The following NOP14 variants were observed in gnomAD, a reference collection of about 807,000 sequenced individuals.
NOP14 encodes the protein NOP14 nucleolar protein.
Under a neutral mutation model 101.6 loss-of-function variants are expected in NOP14, and 57 were observed. That is an observed-to-expected ratio of 0.56 (90% CI 0.45 to 0.70). The LOEUF (loss-of-function observed/expected upper bound fraction) is 0.70. NOP14 is among the 30% of genes least tolerant of loss of function. The probability of loss-of-function intolerance (pLI) is 0.00; values close to 1 mark genes in which losing one functional copy is unlikely to be tolerated. For synonymous variants in NOP14, 428 were observed against 424.0 expected (o/e 1.01, Z -0.12); for missense variants, 1,134 against 1,075.5 (o/e 1.05, Z -0.76).
intron 1 of NOP14, among the ~76,000 whole-genome samples, chr4:2,960,904 T>C (rs1715764417): frequency 1.4e-5 from 1 of 73,224 alleles, no homozygotes; most frequent in Non-Finnish European, 2.8e-5. Flanking sequence ...ATATCAATAT[T>C]ATATTAATAT....
chr4:2,942,082 G>A, intron 14 of NOP14, 110 bp downstream of exon 14: 12 of 1,136,524 alleles, frequency 1.1e-5, no homozygotes, highest in South Asian at 1.6e-5. Flanking sequence ...CAAACCAAAC[G>A]GCCGGGCGGC....
chr4:2,962,320 G>A (rs966443727), intron 1 of NOP14, among the ~76,000 whole-genome samples: 2 of 152,178 alleles, frequency 1.3e-5, no homozygotes, highest in African/African-American at 4.8e-5. Context: ...TCCTATCGAA[G>A]TCAGCTGTAA....
chr4:2,938,700 G>A lies in NOP14; in HGVS notation c.*131C>T. On this transcript the variant is annotated 3_prime_UTR_variant, in exon 18 of 18. Transcript: ENST00000416614. ...TTTATGTTTTTTTGGTAGAGACGGG[G>A]TCTTCCTGTGTTGCCCAGGCTGGTC... 1 of 680,590 alleles carries A rather than the reference G, an allele frequency of 1.5e-6. No individual in the cohort carries two copies. Among genetic ancestry groups the A allele is most frequent in the Non-Finnish European group, 2.5e-6 (1 of 399,750 alleles). 42.2% of individuals were successfully genotyped at this position (680,590 alleles called of 1,614,324 possible).
At chr4:2,961,599 C>T (rs945039888) in intron 1 of NOP14, 4 of 152,290 alleles carry the variant, frequency 2.6e-5, no homozygotes, top group African/African-American at 9.6e-5. Context: ...TGCTGTCCCT[C>T]AGACAGCTGT....
intron 6 of NOP14, among the ~76,000 whole-genome samples, chr4:2,951,989 C>G (rs1259276091): frequency 6.6e-6 from 1 of 151,918 alleles, no homozygotes; most frequent in Non-Finnish European, 1.5e-5. Context: ...CGCCTGTAAT[C>G]CTAGCTACTC....
At position 2,939,180 on chromosome 4, in the gene NOP14, C is replaced by T. The variant is rs755270534; in HGVS notation, c.2474+8G>A. ...CACAATCGTGTCGCACACACACGTC[C>T]CCCTCACCGTTCCATGATTTCTGAG... On this transcript the variant is annotated splice_region_variant and intron_variant, in intron 17 of 17. Coordinates refer to ENST00000416614, the MANE Select transcript of NOP14 (RefSeq NM_001291978.2). The T allele has an allele frequency of 6.2e-7, 1 of 1,613,848 alleles. No homozygotes were observed. The highest frequency in any genetic ancestry group is 1.1e-5 in the South Asian group (1 of 91,078).
intron 4 of NOP14, among the ~76,000 whole-genome samples, 174 bp downstream of exon 4, chr4:2,954,250 C>T (rs371442042): frequency 1.2e-4 from 18 of 152,144 alleles, no homozygotes; most frequent in South Asian, 8.3e-4. Flanking sequence ...AAAACCTGTC[C>T]GAGGTATATG....
chr4:2,939,649 A>G lies in NOP14; in HGVS notation c.2200-4T>C, dbSNP rs756839266. On this transcript the variant is annotated splice_polypyrimidine_tract_variant and splice_region_variant and intron_variant, in intron 15 of 17. Coordinates refer to ENST00000416614, the MANE Select transcript of NOP14 (RefSeq NM_001291978.2). The stretch of plus-strand genomic sequence containing the variant: ...TCAGTGTGCTCTGACACAGCTCCTG[A>G]AAAACACGAAATCCCCGACTCTGCG... 21 of 1,608,492 alleles carry G rather than the reference A, an allele frequency of 1.3e-5. No individual in the cohort carries two copies. Among genetic ancestry groups the G allele is most frequent in the Non-Finnish European group, 1.6e-5 (19 of 1,175,348 alleles).
chr4:2,951,299 G>C (rs35037838), intron 6 of NOP14, 54 bp from the exon 7 acceptor site: 8 of 1,582,334 alleles, frequency 5.1e-6, no homozygotes, highest in Non-Finnish European at 6.9e-6. Flanking sequence ...CATATGGTGA[G>C]GGGGCCGTGC....
intron 15 of NOP14, chr4:2,941,160 A>G (rs1047773650): frequency 2.6e-4 from 44 of 170,566 alleles, no homozygotes; most frequent in South Asian, 1.6e-3. Context: ...GCCATCAAAG[A>G]CTTGTTCTTG....
intron 10 of NOP14, chr4:2,947,081 G>C (rs1204387876): frequency 4.4e-6 from 1 of 227,280 alleles, no homozygotes; most frequent in Non-Finnish European, 8.7e-6. Flanking sequence ...AGGGCAACGA[G>C]GGCAGGAGCT....
Position 2,953,605 on chromosome 4 carries a change from G to A in NOP14, c.653C>T (p.Thr218Met), listed in dbSNP as rs767174186. ...TTTCCAGTCTTGGTCTAGCTTCTCC[G>A]TGAGCTCGAGGGCATCTTCTCGTTG... is the stretch of plus-strand genomic sequence containing the variant. ...QAQREDALEL[T>M]EKLDQDWKEI... The change falls in exon 5 of 18, where the codon ACG becomes ATG. Residue 218 changes from threonine (T) to methionine (M), a missense_variant. By Grantham distance (81) the Thr-to-Met change is moderately conservative (BLOSUM62 -1). Transcript: ENST00000416614. The A allele has an allele frequency of 6.2e-6, 10 of 1,613,958 alleles. No individual in the cohort carries two copies. Among genetic ancestry groups the A allele is most frequent in the East Asian group, 2.2e-5 (1 of 44,888 alleles).
chr4:2,958,074 C>A (rs999474187), intron 1 of NOP14, among the ~76,000 whole-genome samples: 1 of 152,132 alleles, frequency 6.6e-6, no homozygotes, highest in Non-Finnish European at 1.5e-5. Context: ...AAAACGTGCA[C>A]ATTTGGAAAA....
At chr4:2,951,313 C>A (rs945324851) in intron 6 of NOP14, 68 bp from the exon 7 acceptor site, 10 of 1,498,714 alleles carry the variant, frequency 6.7e-6, no homozygotes, top group Non-Finnish European at 8.3e-6. Context: ...GCCGTGCAGT[C>A]CTGCCCTGGG....
intron 1 of NOP14, among the ~76,000 whole-genome samples, chr4:2,959,836 A>T (rs77701493): frequency 1.3e-5 from 2 of 152,038 alleles, no homozygotes; most frequent in Non-Finnish European, 2.9e-5. Flanking sequence ...CGCAGAGCAA[A>T]ATTTTAAAAC....
rs1412948712 is a variant in NOP14 at position 2,945,238 on chromosome 4, AAAGT to A, written c.1636-13_1636-10del. The A allele has an allele frequency of 2.6e-6, 4 of 1,552,540 alleles. No homozygotes were observed. Among genetic ancestry groups the A allele is most frequent in the Admixed American group, 1.9e-5 (1 of 51,582 alleles). On this transcript the variant is annotated splice_polypyrimidine_tract_variant and intron_variant, in intron 11 of 17. Coordinates refer to ENST00000416614, the MANE Select transcript of NOP14 (RefSeq NM_001291978.2). The stretch of plus-strand genomic sequence containing the variant: ...ATTTTCAAATAAATGAGCTGGAAAG[AAAGT>A]GTTACCACAGGTTAAAGAAGGTAAA...
At position 2,961,582 on chromosome 4, in the gene NOP14, G is replaced by A. The variant is rs75599997; in HGVS notation, c.195+1543C>T. 5.4e-3 allele frequency: 819 copies of A among 152,358 alleles called. 5 individuals carry two copies. The highest frequency in any genetic ancestry group is 9.2e-3 in the Non-Finnish European group (623 of 68,064). 9.4% of individuals were successfully genotyped at this position (152,358 alleles called of 1,614,324 possible). On this transcript the variant is annotated intron_variant, in intron 1 of 17. Coordinates refer to ENST00000416614, the MANE Select transcript of NOP14 (RefSeq NM_001291978.2). ...GCGTTATCAAGCTTGGAGTCAACTG[G>A]ACGACCTGCTGTCCCTCAGACAGCT...
intron 1 of NOP14, among the ~76,000 whole-genome samples, chr4:2,961,151 A>C (rs1304955806): frequency 2.6e-5 from 1 of 37,798 alleles, no homozygotes; most frequent in Non-Finnish European, 4.1e-5. Flanking sequence ...ATACTAATAT[A>C]ATAATATATT....
At chr4:2,952,039 G>A (rs1715058135) in intron 6 of NOP14, among the ~76,000 whole-genome samples, 2 of 151,806 alleles carry the variant, frequency 1.3e-5, no homozygotes, top group Non-Finnish European at 2.9e-5. Context: ...CCCAGGAGGT[G>A]GAGTTTGCAG....
Sources: gnomAD v4.1 joint callset for allele counts (sites outside exome capture counted in the v4.1 genomes callset) on GRCh38, gnomAD v4.1.1 for gene constraint, MANE v1.5 for transcripts, NCBI Gene and HGNC (gene_info 2026-07-23, HGNC 2026-07-21) for gene names.